Variants in SLC25A21 observed in about 807,000 individuals in gnomAD.
SLC25A21 encodes the protein solute carrier family 25 member 21.
In SLC25A21, 47 loss-of-function variants were observed where a neutral mutation model predicts 43.8. The observed-to-expected ratio is 1.07, with a 90% CI of 0.85 to 1.37. The LOEUF is 1.37. Ranked by LOEUF, SLC25A21 falls within the 40% of genes most tolerant of loss-of-function variation. The probability of loss-of-function intolerance (pLI) is 0.00; values close to 1 mark genes in which losing one functional copy is unlikely to be tolerated. For missense variants in SLC25A21, 352 were observed against 350.2 expected, an observed-to-expected ratio of 1.00 and a Z score of -0.04; for synonymous variants, 131 against 121.3, an observed-to-expected ratio of 1.08 and a Z score of -0.52.
At chr14:36,843,911 C>T (rs1189092258) in intron 2 of SLC25A21, among the ~76,000 whole-genome samples, 3 of 152,136 alleles carry the variant, frequency 2.0e-5, no homozygotes. Flanking sequence ...CAGAGAGATC[C>T]CTAACCTGTT....
chr14:37,097,051 T>G (rs1235930266), intron 1 of SLC25A21: 3 of 151,506 alleles, frequency 2.0e-5, no homozygotes, highest in African/African-American at 4.8e-5. Context: ...TGTTTTTTTT[T>G]GTTTGTTTTT....
intron 1 of SLC25A21, among the ~76,000 whole-genome samples, chr14:36,982,747 G>A (rs2138701843): frequency 6.6e-6 from 1 of 152,274 alleles, no homozygotes; most frequent in East Asian, 1.9e-4. Context: ...CTGGGAGCCA[G>A]AGGTTGCAGT....
At chr14:36,697,509 G>A (rs1022468900) in intron 7 of SLC25A21, among the ~76,000 whole-genome samples, 8 of 152,098 alleles carry the variant, frequency 5.3e-5, no homozygotes, top group African/African-American at 1.9e-4. Context: ...TGACAGTGGG[G>A]TGTTAAAGTC....
chr14:36,795,195 G>A (rs995443491), intron 3 of SLC25A21, among the ~76,000 whole-genome samples: 34 of 152,152 alleles, frequency 2.2e-4, no homozygotes, highest in Admixed American at 3.9e-4. Context: ...ATTAGAATAT[G>A]ATTTTAAAAT....
At chr14:36,877,038 A>T (rs1191020377) in intron 1 of SLC25A21, among the ~76,000 whole-genome samples, 1 of 152,012 alleles carries the variant, frequency 6.6e-6, no homozygotes, top group Non-Finnish European at 1.5e-5. Flanking sequence ...TAAAAAATTT[A>T]CTCTGGGAAC....
intron 3 of SLC25A21, among the ~76,000 whole-genome samples, chr14:36,780,578 C>T (rs545549004): frequency 2.0e-5 from 3 of 151,640 alleles, no homozygotes; most frequent in African/African-American, 7.3e-5. Flanking sequence ...CTTTTTATTC[C>T]TTGACTCATT....
chr14:37,161,927 C>A, intron 1 of SLC25A21, among the ~76,000 whole-genome samples: 1 of 127,890 alleles, frequency 7.8e-6, no homozygotes, highest in African/African-American at 2.9e-5. Context: ...CGCCTCAATG[C>A]ACTCCGGCCT....
At chr14:36,713,068 CCTGA>C (rs1332511645) in intron 6 of SLC25A21, among the ~76,000 whole-genome samples, 1 of 152,134 alleles carries the variant, frequency 6.6e-6, no homozygotes, top group Admixed American at 6.6e-5. Context: ...GGTGAGGCTG[CCTGA>C]CTAACACAGG....
intron 1 of SLC25A21, among the ~76,000 whole-genome samples, chr14:37,105,390 C>T (rs1962892055): frequency 6.6e-6 from 1 of 151,990 alleles, no homozygotes. Context: ...AGGTGCAGGC[C>T]AAGAGGGCTA....
At chr14:37,133,618 C>T (rs1000456586) in intron 1 of SLC25A21, among the ~76,000 whole-genome samples, 4 of 151,878 alleles carry the variant, frequency 2.6e-5, no homozygotes, top group African/African-American at 4.8e-5. Flanking sequence ...AAACAAATAC[C>T]TCATACACCA....
At chr14:36,717,362 C>G (rs532281890) in intron 6 of SLC25A21, among the ~76,000 whole-genome samples, 1 of 152,142 alleles carries the variant, frequency 6.6e-6, no homozygotes, top group South Asian at 2.1e-4. Context: ...AAAAAAGATA[C>G]GCAGATATAG....
intron 2 of SLC25A21, among the ~76,000 whole-genome samples, chr14:36,856,053 G>A (rs150794410): frequency 4.6e-5 from 7 of 152,202 alleles, no homozygotes; most frequent in Non-Finnish European, 1.0e-4. Context: ...CAATAGAGTC[G>A]AGGTTGAGAA....
At chr14:36,961,709 A>C (rs1959496993) in intron 1 of SLC25A21, among the ~76,000 whole-genome samples, 1 of 152,138 alleles carries the variant, frequency 6.6e-6, no homozygotes, top group African/African-American at 2.4e-5. Flanking sequence ...GGGGAAGAGC[A>C]AGGGAAATAT....
At chr14:37,090,351 C>T (rs1045337041) in intron 1 of SLC25A21, among the ~76,000 whole-genome samples, 14 of 152,250 alleles carry the variant, frequency 9.2e-5, no homozygotes, top group African/African-American at 3.4e-4. Context: ...ATGATGCAAG[C>T]AGCGCCCTGG....
At position 36,873,962 on chromosome 14, in the gene SLC25A21, C is replaced by T. The variant is rs377087678; in HGVS notation, c.119+994G>A. On this transcript the variant is annotated intron_variant, in intron 2 of 9. Coordinates refer to ENST00000331299, the MANE Select transcript of SLC25A21 (RefSeq NM_030631.4). ...TAAATATGAATGTCTGTTGTTTAAGCCACCCAGTCTATAATATTTTGTTAC... is the reference window on the plus strand; with the variant it reads ...TAAATATGAATGTCTGTTGTTTAAGTCACCCAGTCTATAATATTTTGTTAC... Among the ~76,000 whole-genome samples the T allele has an allele frequency of 2.6e-4, 39 of 152,266 alleles. 1 individual carries two copies. The East Asian group carries it at 6.9e-3, about 27-fold the overall frequency.
intron 1 of SLC25A21, among the ~76,000 whole-genome samples, chr14:36,998,864 T>A (rs1193012207): frequency 6.6e-6 from 1 of 151,912 alleles, no homozygotes; most frequent in African/African-American, 2.4e-5. Context: ...GCATTACACA[T>A]CTATTAGGAT....
chr14:36,770,236 G>A (rs186908725), intron 3 of SLC25A21, among the ~76,000 whole-genome samples: 42 of 152,276 alleles, frequency 2.8e-4, no homozygotes, highest in Admixed American at 2.4e-3. Context: ...GATGCAGCTG[G>A]AGGTCATCAT....
At chr14:37,035,886 C>A (rs1191543389) in intron 1 of SLC25A21, among the ~76,000 whole-genome samples, 1 of 152,152 alleles carries the variant, frequency 6.6e-6, no homozygotes, top group African/African-American at 2.4e-5. Flanking sequence ...TTTTTAAAAA[C>A]ATATTTGGGT....
intron 9 of SLC25A21, among the ~76,000 whole-genome samples, chr14:36,682,256 T>C (rs1179389279): frequency 6.6e-6 from 1 of 152,112 alleles, no homozygotes; most frequent in Non-Finnish European, 1.5e-5. Context: ...CAGTGGTACC[T>C]TTCTTTCTAG....
Sources: allele counts gnomAD v4.1 joint callset (sites outside exome capture counted in the v4.1 genomes callset), GRCh38; gene constraint gnomAD v4.1.1; transcripts MANE v1.5; gene names NCBI Gene and HGNC (gene_info 2026-07-23, HGNC 2026-07-21).